Variants in PXYLP1 observed in about 807,000 individuals in gnomAD.
PXYLP1 encodes the protein acid phosphatase-like 2.
PXYLP1 carries 17 observed loss-of-function variants against 37.9 expected under a neutral mutation model. That is an observed-to-expected ratio of 0.45 (90% CI 0.31 to 0.67). The LOEUF (loss-of-function observed/expected upper bound fraction) is 0.67, where lower values mean the gene tolerates loss of function less well. Ranked by LOEUF, PXYLP1 falls within the 30% of genes least tolerant of loss-of-function variation. The pLI, the probability that PXYLP1 is intolerant of heterozygous loss-of-function variation, is 0.07. For missense variants in PXYLP1, 511 were observed against 612.0 expected, an observed-to-expected ratio of 0.84 and a Z score of 1.74; for synonymous variants, 221 against 232.2, an observed-to-expected ratio of 0.95 and a Z score of 0.44.
Position 141,292,237 on chromosome 3 carries a change from G to A in PXYLP1, c.506-31G>A, listed in dbSNP as rs902311640. 8 of 1,546,404 alleles carry A rather than the reference G, an allele frequency of 5.2e-6. No individual in the cohort carries two copies. The African/African-American group carries it at 8.3e-5, about 16-fold the overall frequency. On this transcript the variant is annotated intron_variant, in intron 5 of 5. Transcript: ENST00000286353. The surrounding 1 kb of genome is among the most constrained non-coding windows in gnomAD (Gnocchi z 4.3). ...TGCTGTTTCTTTTGCTCAGCTGGAAGTAAGGTAAGCTTTGTGTGCTTGTGT... is the reference window on the plus strand; with the variant it reads ...TGCTGTTTCTTTTGCTCAGCTGGAAATAAGGTAAGCTTTGTGTGCTTGTGT...
At chr3:141,290,596 A>G (rs532001848) in intron 5 of PXYLP1, among the ~76,000 whole-genome samples, 3 of 152,150 alleles carry the variant, frequency 2.0e-5, no homozygotes, top group Non-Finnish European at 4.4e-5. Flanking sequence ...AGAAAGGGGA[A>G]CGGTATGAAC....
At chr3:141,239,659 G>A (rs946600035) in intron 1 of PXYLP1, among the ~76,000 whole-genome samples, 8 of 152,168 alleles carry the variant, frequency 5.3e-5, no homozygotes, top group African/African-American at 1.9e-4. Context: ...CTTTTTACTT[G>A]CTTTTTAGCT....
chr3:141,255,498 T>C (rs759937647), intron 1 of PXYLP1, among the ~76,000 whole-genome samples: 12 of 152,252 alleles, frequency 7.9e-5, no homozygotes, highest in Non-Finnish European at 1.3e-4. Context: ...ATGTGGGAGC[T>C]GTAATCCCAT....
At chr3:141,251,505 G>A (rs959836163) in intron 1 of PXYLP1, among the ~76,000 whole-genome samples, 4 of 152,214 alleles carry the variant, frequency 2.6e-5, no homozygotes, top group African/African-American at 9.7e-5. Context: ...TAGCTGGATG[G>A]TCATGTATCC....
In PXYLP1 at chr3:141,283,141, A is replaced by ATT. The variant is rs11355634; in HGVS notation, c.365+3651_365+3652dup. On this transcript the variant is annotated intron_variant, in intron 4 of 5. Coordinates refer to ENST00000286353, the MANE Select transcript of PXYLP1 (RefSeq NM_001037172.3). ...GCCACCATGCCCAGCTAATTTTTGT[A>ATT]TTTTTTTTTTTTTTTATTTTTTAGT... 3.8e-3 allele frequency among the ~76,000 whole-genome samples: 548 copies of ATT among 144,912 alleles called. 2 individuals are homozygous for ATT. Among genetic ancestry groups the ATT allele is most frequent in the South Asian group, 0.015 (69 of 4,532 alleles).
intron 2 of PXYLP1, among the ~76,000 whole-genome samples, chr3:141,265,749 G>C (rs1201730742): frequency 6.6e-6 from 1 of 152,154 alleles, no homozygotes; most frequent in African/African-American, 2.4e-5. Context: ...TCACGTAAAT[G>C]ACTCATCTCC....
chr3:141,253,971 G>A (rs993876747), intron 1 of PXYLP1, among the ~76,000 whole-genome samples: 1 of 151,740 alleles, frequency 6.6e-6, no homozygotes, highest in African/African-American at 2.4e-5. Context: ...GAACGCAGTG[G>A]CGCAATCTCA....
intron 1 of PXYLP1, among the ~76,000 whole-genome samples, chr3:141,240,437 C>G (rs1413630681): frequency 1.3e-5 from 2 of 152,096 alleles, no homozygotes; most frequent in African/African-American, 4.8e-5. Flanking sequence ...CTTTGCCTCA[C>G]TCAGCTGAAG....
Position 141,293,445 on chromosome 3 carries a change from A to G in PXYLP1, c.*240A>G, listed in dbSNP as rs940057558. ...GAATAGAAGGTACTTTATCATAGCC[A>G]GACTTCGCTTAGAATGCCAGAATAA... On this transcript the variant is annotated 3_prime_UTR_variant, in exon 6 of 6. Transcript: ENST00000286353. 84 of 524,410 alleles carry G rather than the reference A, an allele frequency of 1.6e-4. No homozygotes were observed. Among genetic ancestry groups the G allele is most frequent in the Middle Eastern group, 5.0e-4 (1 of 2,000 alleles). The allele number at this position is 524,410 out of a possible 1,614,324, so 32.5% of individuals were successfully genotyped here. A position where few individuals can be genotyped will look rare whatever the true frequency, so the allele number is the denominator to read the frequency against.
chr3:141,268,959 C>G (rs1234894158), intron 2 of PXYLP1, among the ~76,000 whole-genome samples: 2 of 152,258 alleles, frequency 1.3e-5, no homozygotes, highest in Non-Finnish European at 2.9e-5. Flanking sequence ...AGGGGCTGGA[C>G]TCCACTGGCC....
chr3:141,278,539 G>A, intron 3 of PXYLP1, 39 bp downstream of exon 3: 1 of 1,608,888 alleles, frequency 6.2e-7, no homozygotes, highest in East Asian at 2.2e-5. Context: ...TACCCCTTTG[G>A]GGACTAGTTA....
chr3:141,272,652 G>A (rs1372717025), intron 2 of PXYLP1: 2 of 153,186 alleles, frequency 1.3e-5, no homozygotes, highest in African/African-American at 4.8e-5. Flanking sequence ...GCTGTCGGCA[G>A]GCTGGGGAGC....
intron 2 of PXYLP1, chr3:141,273,798 T>G: frequency 1.0e-6 from 1 of 985,246 alleles, no homozygotes; most frequent in Non-Finnish European, 1.2e-6. Flanking sequence ...CCCTCCTACT[T>G]GGTAATCACA....
intron 1 of PXYLP1, chr3:141,235,511 C>T (rs1220391330): frequency 3.2e-5 from 3 of 94,088 alleles, no homozygotes; most frequent in Non-Finnish European, 6.0e-5. Flanking sequence ...AGATTGCAGC[C>T]ATTGCCACTT....
At chr3:141,234,046 G>A (rs1057119872) in intron 1 of PXYLP1, among the ~76,000 whole-genome samples, 4 of 151,948 alleles carry the variant, frequency 2.6e-5, no homozygotes, top group Non-Finnish European at 5.9e-5. Context: ...GGTACTCAGT[G>A]TTTGTGAGGA....
In PXYLP1 at chr3:141,278,290, T is replaced by C. The variant is rs374204564; in HGVS notation, c.80-52T>C. 4.4e-6 allele frequency: 7 copies of C among 1,604,884 alleles called. No homozygotes were observed. The African/African-American group carries it at 5.3e-5, about 12-fold the overall frequency. ...CCAGCCCTGCGCTGGGCCTTGCAGCTGGCCTGGCGCCCCAGGAACTGTGCG... is the reference window on the plus strand; with the variant it reads ...CCAGCCCTGCGCTGGGCCTTGCAGCCGGCCTGGCGCCCCAGGAACTGTGCG... On this transcript the variant is annotated intron_variant, in intron 2 of 5. Coordinates refer to ENST00000286353, the MANE Select transcript of PXYLP1 (RefSeq NM_001037172.3).
Position 141,270,456 on chromosome 3 carries a change from T to A in PXYLP1, c.80-7886T>A, listed in dbSNP as rs140071908. On this transcript the variant is annotated intron_variant, in intron 2 of 5. Coordinates refer to ENST00000286353, the MANE Select transcript of PXYLP1 (RefSeq NM_001037172.3). ...TCATTTGACAGTTACAGTGCACTTT[T>A]AAAATTCAGTACAGGTTAGAGACAG... 3.0e-3 allele frequency among the ~76,000 whole-genome samples: 452 copies of A among 152,342 alleles called. 4 individuals carry two copies. The highest frequency in any genetic ancestry group is 0.01 in the African/African-American group (434 of 41,574).
intron 2 of PXYLP1, among the ~76,000 whole-genome samples, chr3:141,260,776 C>T (rs1210675693): frequency 6.6e-6 from 1 of 152,242 alleles, no homozygotes; most frequent in African/African-American, 2.4e-5. Context: ...GCAGCATCCT[C>T]CACTGAGATT....
chr3:141,265,051 G>A (rs1941473460), intron 2 of PXYLP1, among the ~76,000 whole-genome samples: 1 of 152,140 alleles, frequency 6.6e-6, no homozygotes, highest in Non-Finnish European at 1.5e-5. Flanking sequence ...AAAGAAAGCA[G>A]GAGTGGTCAA....
Sources: gnomAD v4.1 joint callset for allele counts (sites outside exome capture counted in the v4.1 genomes callset) on GRCh38, gnomAD v4.1.1 for gene constraint, Gnocchi (gnomAD v3.1) non-coding constraint, MANE v1.5 for transcripts, NCBI Gene and HGNC (gene_info 2026-07-23, HGNC 2026-07-21) for gene names.